CFAP58: variants seen among roughly 807,000 people sequenced by gnomAD.
CFAP58 encodes the protein cilia and flagella associated protein 58.
CFAP58 carries 88 observed loss-of-function variants against 119.5 expected under a neutral mutation model. The ratio of observed to expected loss-of-function variants is 0.74; its 90% confidence interval spans 0.62 to 0.88. The LOEUF (loss-of-function observed/expected upper bound fraction) is 0.88. Among genes scored for constraint, CFAP58 ranks in the 40% least tolerant of loss-of-function variants. CFAP58 has a pLI of 0.00. For missense variants in CFAP58, 990 were observed against 1,021.2 expected (o/e 0.97, Z 0.42); for synonymous variants, 365 against 366.3 (o/e 1.00, Z 0.04).
chr10:104,403,283 G>A (rs1428124188), intron 13 of CFAP58, among the ~76,000 whole-genome samples: 1 of 152,148 alleles, frequency 6.6e-6, no homozygotes, highest in African/African-American at 2.4e-5. Flanking sequence ...GATGTAAGAT[G>A]TTCCTTTGCT....
At chr10:104,428,739 A>G (rs2012794577) in intron 15 of CFAP58, among the ~76,000 whole-genome samples, 1 of 152,198 alleles carries the variant, frequency 6.6e-6, no homozygotes, top group Non-Finnish European at 1.5e-5. Context: ...ATTCACATGC[A>G]CACACCAGGC....
intron 1 of CFAP58, among the ~76,000 whole-genome samples, chr10:104,356,567 A>G (rs2014545530): frequency 1.3e-5 from 2 of 152,346 alleles, no homozygotes; most frequent in East Asian, 1.9e-4. Context: ...TGTGGCCTGC[A>G]GAATAATGCA....
chr10:104,452,810 C>T (rs1228042008), intron 17 of CFAP58, among the ~76,000 whole-genome samples: 1 of 152,238 alleles, frequency 6.6e-6, no homozygotes, highest in Non-Finnish European at 1.5e-5. Context: ...TACCTGTCCT[C>T]TTCTTGTCCT....
chr10:104,419,033 A>G (rs912810734), intron 15 of CFAP58, among the ~76,000 whole-genome samples: 3 of 152,196 alleles, frequency 2.0e-5, no homozygotes, highest in Admixed American at 2.0e-4. Context: ...AAGGACATTT[A>G]AAGTGCTGGG....
chr10:104,339,434 C>T, the CFAP58 span, among the ~76,000 whole-genome samples: 9 of 152,108 alleles, frequency 5.9e-5, no homozygotes, highest in African/African-American at 2.2e-4. Flanking sequence ...TTTGACCTGC[C>T]CAAATCCTAC....
rs1564875299 is a variant in CFAP58 at position 104,357,804 on chromosome 10, C to CATATATATGT, written c.10-536_10-535insTATATATGTA. Reference sequence around the variant, plus strand: ...GTGTGTTTATATACATATATATACACACATATATATGTACATATATACACA... The same window carrying CATATATATGT: ...GTGTGTTTATATACATATATATACACATATATATGTACATATATATGTACATATATACACA... On this transcript the variant is annotated intron_variant, in intron 1 of 17. Coordinates refer to ENST00000369704, the MANE Select transcript of CFAP58 (RefSeq NM_001008723.2). Among the ~76,000 whole-genome samples the CATATATATGT allele has an allele frequency of 1.4e-3, 210 of 147,572 alleles. 32 individuals carry two copies. The highest frequency in any genetic ancestry group is 4.7e-3 in the African/African-American group (185 of 39,034).
intron 5 of CFAP58, among the ~76,000 whole-genome samples, chr10:104,366,247 T>A (rs1057380826): frequency 6.6e-6 from 1 of 152,154 alleles, no homozygotes; most frequent in African/African-American, 2.4e-5. Flanking sequence ...TAACCTTCTA[T>A]TGATCTATAC....
chr10:104,358,005 A>ATGTACATATG (rs1348372625), intron 1 of CFAP58, among the ~76,000 whole-genome samples: 1 of 134,426 alleles, frequency 7.4e-6, no homozygotes, highest in African/African-American at 2.8e-5. Flanking sequence ...GTACACATAT[A>ATGTACATATG]TACACATATA....
chr10:104,396,401 A>AGT (rs2012157670), intron 11 of CFAP58, among the ~76,000 whole-genome samples: 1 of 85,874 alleles, frequency 1.2e-5, no homozygotes. Context: ...AGAGAGAGAG[A>AGT]GAGAGAGAGA....
chr10:104,407,204 G>A (rs1564895234), intron 15 of CFAP58, among the ~76,000 whole-genome samples: 1 of 152,184 alleles, frequency 6.6e-6, no homozygotes, highest in Admixed American at 6.5e-5. Context: ...GAGTGAAATG[G>A]AAGAAGAGAT....
At chr10:104,423,167 G>A (rs2012688352) in intron 15 of CFAP58, among the ~76,000 whole-genome samples, 1 of 151,984 alleles carries the variant, frequency 6.6e-6, no homozygotes, top group African/African-American at 2.4e-5. Flanking sequence ...ATTTTTATAG[G>A]AGAAACAGCT....
intron 8 of CFAP58, among the ~76,000 whole-genome samples, chr10:104,379,035 T>C (rs1468629850): frequency 6.6e-6 from 1 of 152,178 alleles, no homozygotes; most frequent in South Asian, 2.1e-4. Context: ...TTGTTGTGGT[T>C]AAATACACAC....
At chr10:104,386,377 CAA>C (rs71482427) in intron 9 of CFAP58, among the ~76,000 whole-genome samples, 7 of 133,504 alleles carry the variant, frequency 5.2e-5, no homozygotes, top group South Asian at 4.8e-4. Flanking sequence ...ACCACCATCT[CAA>C]AAAAAAAAAA....
chr10:104,447,686 G>A lies in CFAP58; in HGVS notation c.2257-12G>A, dbSNP rs778167222. Reference sequence around the variant, plus strand: ...GCTGTTTATCTCTGCTCCTGGTTCTGCTCTCCACTAGGAAAAGGAGAAACT... The same window carrying A: ...GCTGTTTATCTCTGCTCCTGGTTCTACTCTCCACTAGGAAAAGGAGAAACT... On this transcript the variant is annotated splice_polypyrimidine_tract_variant and intron_variant, in intron 15 of 17. Coordinates refer to ENST00000369704, the MANE Select transcript of CFAP58 (RefSeq NM_001008723.2). 1.2e-6 allele frequency: 2 copies of A among 1,613,404 alleles called. No individual in the cohort carries two copies. The highest frequency in any genetic ancestry group is 3.3e-5 in the Admixed American group (2 of 59,942).
chr10:104,374,493 A>G (rs1253734535), intron 7 of CFAP58, among the ~76,000 whole-genome samples: 2 of 149,570 alleles, frequency 1.3e-5, no homozygotes, highest in African/African-American at 2.4e-5. Flanking sequence ...TCCAGAAAGG[A>G]TAAACATATT....
At chr10:104,372,314 C>T (rs1275496568) in intron 7 of CFAP58, among the ~76,000 whole-genome samples, 4 of 151,998 alleles carry the variant, frequency 2.6e-5, no homozygotes, top group Non-Finnish European at 5.9e-5. Context: ...GATTGTGCCA[C>T]TGCACTCCAG....
chr10:104,381,939 C>T (rs1034576625), intron 9 of CFAP58, among the ~76,000 whole-genome samples: 2 of 152,170 alleles, frequency 1.3e-5, no homozygotes, highest in African/African-American at 4.8e-5. Context: ...TCTGAGGACT[C>T]GTTGTCAATT....
chr10:104,358,675 C>G, intron 2 of CFAP58, 53 bp downstream of exon 2: 1 of 1,538,734 alleles, frequency 6.5e-7, no homozygotes, highest in Non-Finnish European at 8.9e-7. Flanking sequence ...ATCATTCTCT[C>G]ATTATATTGG....
intron 17 of CFAP58, among the ~76,000 whole-genome samples, chr10:104,452,226 A>C (rs1169341763): frequency 6.6e-6 from 1 of 152,046 alleles, no homozygotes; most frequent in Admixed American, 6.5e-5. Flanking sequence ...AAGTATTAAT[A>C]GATTTATTAA....
Sources: gnomAD v4.1 joint callset for allele counts (sites outside exome capture counted in the v4.1 genomes callset) on GRCh38, gnomAD v4.1.1 for gene constraint, MANE v1.5 for transcripts, NCBI Gene and HGNC (gene_info 2026-07-23, HGNC 2026-07-21) for gene names.